RNFT2: variants seen among roughly 807,000 people sequenced by gnomAD.
The protein encoded by RNFT2 is ring finger protein, transmembrane 2.
A neutral mutation model predicts 53.0 loss-of-function variants in RNFT2; 36 were observed. That is an observed-to-expected ratio of 0.68 (90% CI 0.52 to 0.90). The LOEUF (loss-of-function observed/expected upper bound fraction) is 0.90. Among genes scored for constraint, RNFT2 ranks in the 40% least tolerant of loss-of-function variants. The pLI is 0.00. For missense variants in RNFT2, 514 were observed against 585.6 expected (o/e 0.88, Z 1.26); for synonymous variants, 260 against 253.2 (o/e 1.03, Z -0.26).
chr12:116,844,285 T>A (rs2137221998), intron 10 of RNFT2, among the ~76,000 whole-genome samples: 1 of 152,236 alleles, frequency 6.6e-6, no homozygotes, highest in Middle Eastern at 3.4e-3. Flanking sequence ...GGCTGGAATG[T>A]AGTGGCACGA....
intron 7 of RNFT2, among the ~76,000 whole-genome samples, chr12:116,798,561 G>A (rs986144590): frequency 6.6e-6 from 1 of 151,676 alleles, no homozygotes; most frequent in Admixed American, 6.6e-5. Flanking sequence ...TCTGCATTAG[G>A]TTTTTTTTAT....
intron 10 of RNFT2, among the ~76,000 whole-genome samples, chr12:116,842,320 G>A (rs1333524817): frequency 2.0e-5 from 3 of 152,112 alleles, no homozygotes; most frequent in Middle Eastern, 3.4e-3. Flanking sequence ...TTAAGGGAAG[G>A]GGATGCATGA....
intron 6 of RNFT2, among the ~76,000 whole-genome samples, chr12:116,775,016 C>T (rs1318222445): frequency 1.3e-5 from 2 of 151,944 alleles, no homozygotes; most frequent in Admixed American, 1.3e-4. Flanking sequence ...AATCCAAGCA[C>T]TTTGGGAGGC....
rs1873109803 is a variant in RNFT2, at chr12:116,770,125, C to G, written c.728+3211C>G. On this transcript the variant is annotated intron_variant, in intron 6 of 10. Transcript: ENST00000257575. ...TAGTCATGTCCTAGGCCTTCACATT[C>G]ATTCACCACTCTCTCATTGACTCAC... 3.3e-5 allele frequency among the ~76,000 whole-genome samples: 5 copies of G among 152,192 alleles called. No individual in the cohort carries two copies. In the South Asian group the frequency reaches 1.0e-3, roughly 32 times the overall value.
chr12:116,800,812 T>TCAAAA lies in RNFT2; in HGVS notation c.882+21464_882+21465insCAAAA, dbSNP rs142455219. On this transcript the variant is annotated intron_variant, in intron 7 of 10. Transcript: ENST00000257575. The stretch of plus-strand genomic sequence containing the variant: ...CCAGGTGACAGAGCAAGACTCCATC[T>TCAAAA]TAAAATAAAATAAAATAAAATAAAA... Among the ~76,000 whole-genome samples the TCAAAA allele has an allele frequency of 1.6e-3, 188 of 114,848 alleles. 13 individuals carry two copies. Among genetic ancestry groups the TCAAAA allele is most frequent in the African/African-American group, 6.0e-3 (179 of 29,786 alleles). 75.3% of individuals were successfully genotyped at this position (114,848 alleles called of 152,430 possible).
chr12:116,852,637 A>T lies in RNFT2; in HGVS notation c.*3189A>T, dbSNP rs530520878. On this transcript the variant is annotated 3_prime_UTR_variant, in exon 11 of 11. Transcript: ENST00000257575. ...GCAACTGGTTTTTATCGGAAAGATC[A>T]TCCTGCCTGCAGATGCTGTTGAAGG... is the stretch of plus-strand genomic sequence containing the variant. The T allele has an allele frequency of 1.9e-6, 3 of 1,613,930 alleles. No individual in the cohort carries two copies. In the East Asian group the frequency reaches 6.7e-5, roughly 36 times the overall value.
rs1197216725 is a variant in RNFT2 at position 116,749,968 on chromosome 12, T to C, written c.211T>C (p.Ser71Pro). Residue 71 changes from serine (S) to proline (P), a missense_variant, in exon 4 of 11, where the codon TCG becomes CCG. Ser to Pro is a moderately conservative substitution (Grantham distance 74). Transcript: ENST00000257575. ...CTTATCAGGCAGCCTCCCCACCAGCTCGTTCCCCTCCAGCCTGGTGCTGGG... is the reference window on the plus strand; with the variant it reads ...CTTATCAGGCAGCCTCCCCACCAGCCCGTTCCCCTCCAGCCTGGTGCTGGG... The part of the protein sequence containing the change: ...SGLSGSLPTS[S>P]FPSSLVLGSS... The C allele has an allele frequency of 6.4e-7, 1 of 1,562,420 alleles. No homozygotes were observed. Among genetic ancestry groups the C allele is most frequent in the East Asian group, 2.4e-5 (1 of 41,748 alleles).
At position 116,852,628 on chromosome 12, in the gene RNFT2, G is replaced by A. The variant is rs16947055; in HGVS notation, c.*3180G>A. ...GGAACTTCTGCAACTGGTTTTTATC[G>A]GAAAGATCATCCTGCCTGCAGATGC... On this transcript the variant is annotated 3_prime_UTR_variant, in exon 11 of 11. Transcript: ENST00000257575. 0.04 allele frequency: 63,962 copies of A among 1,613,806 alleles called. 1,687 individuals are homozygous for A. Among genetic ancestry groups the A allele is most frequent in the African/African-American group, 0.11 (8,407 of 75,002 alleles).
rs1873373458 is a variant in RNFT2 at position 116,775,195 on chromosome 12, G to C, written c.729-4000G>C. On this transcript the variant is annotated intron_variant, in intron 6 of 10. Coordinates refer to ENST00000257575, the MANE Select transcript of RNFT2 (RefSeq NM_001382266.1). ...AAATCGCCTGAACCGGGGAGGTAGA[G>C]GTTGCAGTGAGCCAAGATTGCGCCA... 2.0e-5 allele frequency among the ~76,000 whole-genome samples: 3 copies of C among 151,306 alleles called. No individual in the cohort carries two copies. In the Admixed American group the frequency reaches 2.0e-4, roughly 10 times the overall value.
intron 3 of RNFT2, among the ~76,000 whole-genome samples, chr12:116,746,027 C>T (rs974534741): frequency 2.0e-5 from 3 of 152,098 alleles, no homozygotes; most frequent in Non-Finnish European, 2.9e-5. Context: ...ACTTGAGCTC[C>T]GGAGTTCGAG....
At chr12:116,795,204 G>A (rs577906681) in intron 7 of RNFT2, among the ~76,000 whole-genome samples, 6 of 152,130 alleles carry the variant, frequency 3.9e-5, no homozygotes, top group Admixed American at 6.5e-5. Context: ...TCAGGAGTTC[G>A]ACACCAGCCT....
At chr12:116,819,381 C>A (rs570682843) in intron 7 of RNFT2, among the ~76,000 whole-genome samples, 171 of 152,126 alleles carry the variant, frequency 1.1e-3, no homozygotes, top group African/African-American at 4.0e-3. Flanking sequence ...CCGGAGCCGG[C>A]GGCGCGCAGA....
rs190223830 is a variant in RNFT2, at chr12:116,845,447, A to G, written c.1201-3867A>G. ...ACAGTAACAGGATGGAATCGGGGCA[A>G]CATCATAAAACAGGGGAGACATGAT... On this transcript the variant is annotated intron_variant, in intron 10 of 10. Coordinates refer to ENST00000257575, the MANE Select transcript of RNFT2 (RefSeq NM_001382266.1). Among the ~76,000 whole-genome samples the G allele has an allele frequency of 4.8e-3, 728 of 152,152 alleles. 7 individuals carry two copies. The highest frequency in any genetic ancestry group is 0.016 in the African/African-American group (657 of 41,502).
intron 7 of RNFT2, among the ~76,000 whole-genome samples, chr12:116,780,410 C>T (rs751851433): frequency 5.1e-4 from 77 of 152,260 alleles, no homozygotes; most frequent in South Asian, 8.3e-4. Context: ...GTTCACAATA[C>T]GGTTCCCACT....
chr12:116,780,325 A>G (rs1873632625), intron 7 of RNFT2, among the ~76,000 whole-genome samples: 1 of 152,132 alleles, frequency 6.6e-6, no homozygotes, highest in Non-Finnish European at 1.5e-5. Flanking sequence ...TCGGAATGAA[A>G]CTGTTCCACT....
In RNFT2 at chr12:116,853,335, T is replaced by A; in HGVS notation, c.*3887T>A. The A allele has an allele frequency of 2.5e-6, 1 of 397,174 alleles. No homozygotes were observed. Among genetic ancestry groups the A allele is most frequent in the Non-Finnish European group, 4.4e-6 (1 of 225,446 alleles). The allele number at this position is 397,174 out of a possible 1,614,324, so 24.6% of individuals were successfully genotyped here. ...ATTCACTGACTCAAGTTCCACGAAG[T>A]CCTTAGAAATGGACCTCTTCATGTA... On this transcript the variant is annotated 3_prime_UTR_variant, in exon 11 of 11. Coordinates refer to ENST00000257575, the MANE Select transcript of RNFT2 (RefSeq NM_001382266.1).
chr12:116,816,158 G>A (rs1205896418), intron 7 of RNFT2, among the ~76,000 whole-genome samples: 1 of 152,222 alleles, frequency 6.6e-6, no homozygotes, highest in African/African-American at 2.4e-5. Flanking sequence ...GCCACTATGG[G>A]CTTAATCATC....
intron 6 of RNFT2, among the ~76,000 whole-genome samples, chr12:116,772,370 G>A (rs953420833): frequency 6.6e-5 from 10 of 151,976 alleles, no homozygotes; most frequent in Admixed American, 5.2e-4. Context: ...GCTGTGGTGC[G>A]ATCTCGGCTC....
rs373885060 is a variant in RNFT2 at position 116,851,743 on chromosome 12, TAAA to T, written c.*2304_*2306del. ...GTGACAGAGTGAGTGAGACTCTGTC[TAAA>T]AAAAAAAAGAAAGAAAGAAGGGAGG... is the stretch of plus-strand genomic sequence containing the variant. On this transcript the variant is annotated 3_prime_UTR_variant, in exon 11 of 11. Coordinates refer to ENST00000257575, the MANE Select transcript of RNFT2 (RefSeq NM_001382266.1). The T allele has an allele frequency of 2.1e-5, 12 of 572,728 alleles. No homozygotes were observed. The highest frequency in any genetic ancestry group is 8.1e-5 in the African/African-American group (4 of 49,182). The allele number at this position is 572,728 out of a possible 1,614,324, so 35.5% of individuals were successfully genotyped here. A position where few individuals can be genotyped will look rare whatever the true frequency, so the allele number is the denominator to read the frequency against.
Sources: allele counts gnomAD v4.1 joint callset (sites outside exome capture counted in the v4.1 genomes callset), GRCh38; gene constraint gnomAD v4.1.1; transcripts MANE v1.5; gene names NCBI Gene and HGNC (gene_info 2026-07-23, HGNC 2026-07-21).